LINGO2: variants seen among roughly 807,000 people sequenced by gnomAD.
The protein encoded by LINGO2 is leucine rich repeat and Ig domain containing 2.
A neutral mutation model predicts 30.6 loss-of-function variants in LINGO2; 14 were observed. That is an observed-to-expected ratio of 0.46 (90% CI 0.30 to 0.72). The LOEUF is 0.72. Among genes scored for constraint, LINGO2 ranks in the 30% least tolerant of loss-of-function variants. The probability of loss-of-function intolerance (pLI) is 0.07; values close to 1 mark genes in which losing one functional copy is unlikely to be tolerated. For synonymous variants in LINGO2, 317 were observed against 288.5 expected, an observed-to-expected ratio of 1.10 and a Z score of -1.00; for missense variants, 729 against 751.7, an observed-to-expected ratio of 0.97 and a Z score of 0.35.
At chr9:28,386,358 C>A (rs531472079) in intron 2 of LINGO2, among the ~76,000 whole-genome samples, 23 of 152,036 alleles carry the variant, frequency 1.5e-4, no homozygotes, top group African/African-American at 5.3e-4. Flanking sequence ...TGTGTGGGGG[C>A]GGGTGTGTTT....
intron 1 of LINGO2, among the ~76,000 whole-genome samples, chr9:28,595,282 T>A (rs186556788): frequency 6.6e-6 from 1 of 152,198 alleles, no homozygotes; most frequent in Non-Finnish European, 1.5e-5. Context: ...TCATCTTAAA[T>A]GTAGTTTCAT....
At chr9:29,002,121 CAG>C in the LINGO2 span, among the ~76,000 whole-genome samples, 4 of 151,878 alleles carry the variant, frequency 2.6e-5, no homozygotes, top group Admixed American at 2.0e-4. Flanking sequence ...GTCTTTTAGT[CAG>C]AGTTATTAAA....
At chr9:28,264,072 A>G (rs1399691568) in intron 4 of LINGO2, among the ~76,000 whole-genome samples, 1 of 152,016 alleles carries the variant, frequency 6.6e-6, no homozygotes, top group Non-Finnish European at 1.5e-5. Context: ...AGTAAAAAAA[A>G]AGACGAAAAA....
intron 1 of LINGO2, among the ~76,000 whole-genome samples, chr9:28,627,964 T>G (rs1826758180): frequency 6.6e-6 from 1 of 152,050 alleles, no homozygotes; most frequent in Non-Finnish European, 1.5e-5. Context: ...GAAAAAAGTT[T>G]TTACCTATGC....
intron 1 of LINGO2, among the ~76,000 whole-genome samples, chr9:28,573,452 C>A (rs2135601331): frequency 6.6e-6 from 1 of 152,252 alleles, no homozygotes; most frequent in African/African-American, 2.4e-5. Context: ...AAACTCCATT[C>A]AACCACACAA....
intron 2 of LINGO2, among the ~76,000 whole-genome samples, chr9:28,469,876 T>C (rs1825452903): frequency 1.3e-5 from 2 of 152,226 alleles, no homozygotes; most frequent in African/African-American, 4.8e-5. Flanking sequence ...CAAAGTCATA[T>C]GAAAATATGA....
chr9:28,913,697 C>T, the LINGO2 span, among the ~76,000 whole-genome samples: 20 of 152,104 alleles, frequency 1.3e-4, no homozygotes, highest in South Asian at 4.2e-3. Context: ...TAAAGTCTCC[C>T]TTTTTTGTGA....
the LINGO2 span, among the ~76,000 whole-genome samples, chr9:28,695,841 A>G: frequency 6.6e-6 from 1 of 151,880 alleles, no homozygotes; most frequent in Non-Finnish European, 1.5e-5. Flanking sequence ...AAACAAAGAT[A>G]AAAGCATAAC....
the LINGO2 span, among the ~76,000 whole-genome samples, chr9:28,983,646 T>G: frequency 6.6e-6 from 1 of 151,882 alleles, no homozygotes; most frequent in South Asian, 2.1e-4. Flanking sequence ...AAATAAGTAT[T>G]TATTAAATAA....
chr9:29,021,633 G>T, the LINGO2 span, among the ~76,000 whole-genome samples: 1,908 of 150,012 alleles, frequency 0.013, 14 homozygotes, highest in Non-Finnish European at 0.021. Context: ...CTCCAGCCTG[G>T]GCAACAGTGT....
chr9:28,177,984 A>G (rs1361514709), intron 4 of LINGO2, among the ~76,000 whole-genome samples: 1 of 152,114 alleles, frequency 6.6e-6, no homozygotes, highest in Non-Finnish European at 1.5e-5. Context: ...AACCTCCACC[A>G]AGTGTTTTGA....
chr9:28,351,955 T>G (rs1193478485), intron 3 of LINGO2, among the ~76,000 whole-genome samples: 1 of 151,412 alleles, frequency 6.6e-6, no homozygotes, highest in African/African-American at 2.4e-5. Context: ...CAACAACCCT[T>G]CATGCTAAAA....
At chr9:28,483,388 T>C (rs919800680) in intron 1 of LINGO2, among the ~76,000 whole-genome samples, 5 of 152,014 alleles carry the variant, frequency 3.3e-5, no homozygotes, top group African/African-American at 1.2e-4. Flanking sequence ...CTCAGCAAGA[T>C]ATTGGTGTGA....
the LINGO2 span, among the ~76,000 whole-genome samples, chr9:28,755,881 C>T: frequency 7.2e-5 from 11 of 152,114 alleles, no homozygotes; most frequent in Non-Finnish European, 1.3e-4. Flanking sequence ...ACCTCATAGA[C>T]TTTGACAATC....
intron 2 of LINGO2, among the ~76,000 whole-genome samples, chr9:28,447,443 G>C (rs1270294297): frequency 6.6e-6 from 1 of 152,162 alleles, no homozygotes; most frequent in Non-Finnish European, 1.5e-5. Flanking sequence ...CTAGTGCCTT[G>C]ATCTTGGACT....
chr9:28,093,702 C>G (rs1826164202), intron 4 of LINGO2, among the ~76,000 whole-genome samples: 1 of 151,974 alleles, frequency 6.6e-6, no homozygotes, highest in South Asian at 2.1e-4. Context: ...TGCTGCTAGC[C>G]TAAATAATCC....
chr9:28,412,359 A>T (rs1425510776), intron 2 of LINGO2, among the ~76,000 whole-genome samples: 2 of 152,096 alleles, frequency 1.3e-5, no homozygotes, highest in African/African-American at 2.4e-5. Flanking sequence ...TAAAATATCT[A>T]TTCAAATCCT....
intron 4 of LINGO2, among the ~76,000 whole-genome samples, chr9:28,167,088 A>T (rs753532582): frequency 1.3e-5 from 2 of 151,532 alleles, no homozygotes; most frequent in Non-Finnish European, 2.9e-5. Flanking sequence ...ACTGAGGAAG[A>T]GCCTCAAGGG....
chr9:28,465,439 C>A (rs1825259986), intron 2 of LINGO2, among the ~76,000 whole-genome samples: 1 of 152,058 alleles, frequency 6.6e-6, no homozygotes, highest in African/African-American at 2.4e-5. Context: ...AGTTTGGGAT[C>A]TGGGGTTCTT....
Sources: allele counts gnomAD v4.1 joint callset (sites outside exome capture counted in the v4.1 genomes callset), GRCh38; gene constraint gnomAD v4.1.1; transcripts MANE v1.5; gene names NCBI Gene and HGNC (gene_info 2026-07-23, HGNC 2026-07-21).